The following DAB1 variants were observed in gnomAD, a reference collection of about 807,000 sequenced individuals.
DAB1 encodes the protein DAB adaptor protein 1.
DAB1 carries 15 observed loss-of-function variants against 64.6 expected under a neutral mutation model. The observed-to-expected ratio is 0.23, with a 90% CI of 0.16 to 0.36. The LOEUF is 0.36. DAB1 is among the 10% of genes least tolerant of loss of function. The probability of loss-of-function intolerance (pLI) is 1.00; values close to 1 mark genes in which losing one functional copy is unlikely to be tolerated. For missense variants in DAB1, 596 were observed against 706.7 expected (o/e 0.84, Z 1.78); for synonymous variants, 235 against 251.9 (o/e 0.93, Z 0.64).
chr1:58,301,785 T>G (rs1370496597), intron 4 of DAB1, among the ~76,000 whole-genome samples: 4 of 152,160 alleles, frequency 2.6e-5, no homozygotes, highest in African/African-American at 9.7e-5. Context: ...TTATTAGCTC[T>G]GTAACTTTGG....
intron 7 of DAB1, among the ~76,000 whole-genome samples, chr1:57,594,350 T>C (rs1645480972): frequency 6.6e-6 from 1 of 152,170 alleles, no homozygotes; most frequent in African/African-American, 2.4e-5. Flanking sequence ...ATTTGAGACG[T>C]GACACGCAGG....
intron 2 of DAB1, among the ~76,000 whole-genome samples, chr1:57,205,785 A>G (rs1270253954): frequency 6.6e-6 from 1 of 152,222 alleles, no homozygotes; most frequent in Non-Finnish European, 1.5e-5. Context: ...TAGGGCTTAC[A>G]TCTCTAGCAA....
intron 3 of DAB1, chr1:58,462,761 G>A (rs144076678): frequency 1.3e-3 from 194 of 152,268 alleles, no homozygotes; most frequent in African/African-American, 4.4e-3. Flanking sequence ...ACCTCAGGCT[G>A]TTCATTTGAC....
intron 2 of DAB1, among the ~76,000 whole-genome samples, chr1:57,214,827 C>T (rs1050319878): frequency 7.2e-6 from 1 of 139,290 alleles, no homozygotes; most frequent in Non-Finnish European, 1.5e-5. Flanking sequence ...AGGAGAATAG[C>T]GTGAACCCAG....
intron 7 of DAB1, among the ~76,000 whole-genome samples, chr1:57,498,054 C>T (rs1050597320): frequency 7.2e-5 from 11 of 152,134 alleles, no homozygotes; most frequent in African/African-American, 2.7e-4. Flanking sequence ...GATCAAGGTG[C>T]TCTTAGAGTT....
chr1:58,231,781 C>T (rs761991920), intron 4 of DAB1, among the ~76,000 whole-genome samples: 1 of 152,146 alleles, frequency 6.6e-6, no homozygotes, highest in Non-Finnish European at 1.5e-5. Flanking sequence ...TGGAACATAA[C>T]CAAGTGGGGA....
At chr1:58,449,801 A>G (rs1645112617) in intron 3 of DAB1, among the ~76,000 whole-genome samples, 1 of 152,160 alleles carries the variant, frequency 6.6e-6, no homozygotes, top group African/African-American at 2.4e-5. Flanking sequence ...GCTTCCATAT[A>G]TCATAGCAGT....
intron 7 of DAB1, among the ~76,000 whole-genome samples, chr1:57,466,441 T>C (rs914584027): frequency 6.6e-6 from 1 of 152,182 alleles, no homozygotes; most frequent in African/African-American, 2.4e-5. Context: ...TGCTATTAAG[T>C]GTGAGACTGT....
chr1:57,883,930 G>T (rs1427602239), intron 1 of DAB1: 2 of 152,214 alleles, frequency 1.3e-5, no homozygotes, highest in Non-Finnish European at 1.5e-5. Flanking sequence ...ATGCTCAAAA[G>T]TGGAGGAGAA....
At chr1:58,030,794 C>G (rs1023836349) in intron 5 of DAB1, among the ~76,000 whole-genome samples, 1 of 152,186 alleles carries the variant, frequency 6.6e-6, no homozygotes, top group Non-Finnish European at 1.5e-5. Context: ...GGTCAGCAGA[C>G]ATCAGCCTTT....
Position 57,984,248 on chromosome 1 carries a change from GAAAGAAAGAAAGAAAA to G in DAB1, n.388-100102_388-100087del, listed in dbSNP as rs1175908839. Among the ~76,000 whole-genome samples, 133 of 139,076 alleles carry G rather than the reference GAAAGAAAGAAAGAAAA, an allele frequency of 9.6e-4. 2 individuals are homozygous for G. The highest frequency in any genetic ancestry group is 2.5e-3 in the African/African-American group (92 of 37,112). The allele number at this position is 139,076 out of a possible 152,430, so 91.2% of individuals were successfully genotyped here. A position where few individuals can be genotyped will look rare whatever the true frequency, so the allele number is the denominator to read the frequency against. ...AGAAAGAAAGAAAGAAAGAAAGAAA[GAAAGAAAGAAAGAAAA>G]AAAATTAAACAGCCAAACCCATTGC... On this transcript the variant is annotated intron_variant and non_coding_transcript_variant, in intron 5 of 20. Transcript: ENST00000485760.
At chr1:58,237,942 A>G (rs1308249271) in intron 4 of DAB1, among the ~76,000 whole-genome samples, 3 of 152,248 alleles carry the variant, frequency 2.0e-5, no homozygotes, top group Non-Finnish European at 4.4e-5. Flanking sequence ...AGCACTTCAC[A>G]TGCATTATTT....
Position 57,807,287 on chromosome 1 carries a change from T to C in DAB1, n.551+76712A>G, listed in dbSNP as rs747430477. Among the ~76,000 whole-genome samples the C allele has an allele frequency of 3.3e-4, 50 of 152,052 alleles. 1 individual carries two copies. Among genetic ancestry groups the C allele is most frequent in the Non-Finnish European group, 1.8e-4 (12 of 67,980 alleles). ...TCAGATCTGGGAGGGCCCTATAACT[T>C]GGTTTGATCAATTGAATAGGGCAGA... On this transcript the variant is annotated intron_variant and non_coding_transcript_variant, in intron 6 of 20. Transcript: ENST00000485760.
At chr1:57,983,250 T>C (rs1232009097) in intron 5 of DAB1, among the ~76,000 whole-genome samples, 2 of 152,176 alleles carry the variant, frequency 1.3e-5, no homozygotes, top group African/African-American at 2.4e-5. Flanking sequence ...ACATATTAAA[T>C]AAAACAGAGA....
downstream of DAB1, among the ~76,000 whole-genome samples, chr1:57,824,447 GA>G (rs1167862023): frequency 6.6e-6 from 1 of 152,078 alleles, no homozygotes; most frequent in Non-Finnish European, 1.5e-5. Flanking sequence ...GTGATTTAGA[GA>G]AATAGGGTTA....
downstream of DAB1, among the ~76,000 whole-genome samples, chr1:57,823,394 G>T (rs934430969): frequency 6.6e-6 from 1 of 152,094 alleles, no homozygotes; most frequent in Non-Finnish European, 1.5e-5. Context: ...GTTGGACACC[G>T]AGGAAGAGGA....
intron 3 of DAB1, among the ~76,000 whole-genome samples, chr1:58,429,757 T>C (rs1367694977): frequency 1.3e-5 from 2 of 152,232 alleles, no homozygotes; most frequent in African/African-American, 4.8e-5. Flanking sequence ...CCCCACTCCC[T>C]GAGCACCGCT....
At chr1:57,732,183 G>T (rs1475240) in intron 6 of DAB1, among the ~76,000 whole-genome samples, 1 of 151,864 alleles carries the variant, frequency 6.6e-6, no homozygotes, top group Admixed American at 6.6e-5. Flanking sequence ...TATTGTGGGG[G>T]TATCATGCAG....
chr1:57,950,797 G>C (rs572615996), intron 5 of DAB1, among the ~76,000 whole-genome samples: 1 of 152,206 alleles, frequency 6.6e-6, no homozygotes, highest in South Asian at 2.1e-4. Context: ...AGCACCTTAA[G>C]TACACTTCAC....
Sources: gnomAD v4.1 joint callset for allele counts (sites outside exome capture counted in the v4.1 genomes callset) on GRCh38, gnomAD v4.1.1 for gene constraint, MANE v1.5 for transcripts, NCBI Gene and HGNC (gene_info 2026-07-23, HGNC 2026-07-21) for gene names.